Variants in MCTP2 observed in about 807,000 individuals in gnomAD.
MCTP2 encodes multiple C2 and transmembrane domain containing 2.
A neutral mutation model predicts 111.6 loss-of-function variants in MCTP2; 132 were observed. The observed-to-expected ratio is 1.18, with a 90% CI of 1.03 to 1.37. MCTP2 has a LOEUF of 1.37. Among genes scored for constraint, MCTP2 ranks in the 40% most tolerant of loss-of-function variants. MCTP2 has a pLI of 0.00. For missense variants in MCTP2, 1,183 were observed against 1,067.9 expected (o/e 1.11, Z -1.50); for synonymous variants, 395 against 387.7 (o/e 1.02, Z -0.22).
intron 19 of MCTP2, among the ~76,000 whole-genome samples, chr15:94,446,848 T>C (rs1373486584): frequency 6.6e-6 from 1 of 152,228 alleles, no homozygotes; most frequent in Non-Finnish European, 1.5e-5. Flanking sequence ...CACAATTGCC[T>C]GACAGTGTTT....
chr15:94,431,507 C>T (rs2083182355), intron 17 of MCTP2, among the ~76,000 whole-genome samples: 1 of 152,090 alleles, frequency 6.6e-6, no homozygotes, highest in Non-Finnish European at 1.5e-5. Flanking sequence ...CAGTTCGATG[C>T]TGTTGATAAA....
chr15:94,339,567 A>G, intron 5 of MCTP2, 135 bp downstream of exon 5: 1 of 582,412 alleles, frequency 1.7e-6, no homozygotes, highest in Non-Finnish European at 2.7e-6. Context: ...TATAGAAAAA[A>G]TTCCTTATAC....
intron 2 of MCTP2, among the ~76,000 whole-genome samples, chr15:94,313,501 G>C (rs2076240348): frequency 6.6e-6 from 1 of 152,090 alleles, no homozygotes; most frequent in Non-Finnish European, 1.5e-5. Flanking sequence ...AGGAGTCCGA[G>C]ACCAGCCTGG....
intron 19 of MCTP2, among the ~76,000 whole-genome samples, chr15:94,451,087 C>T (rs1344142094): frequency 6.6e-6 from 1 of 152,014 alleles, no homozygotes; most frequent in Non-Finnish European, 1.5e-5. Flanking sequence ...TAAAAAAGAA[C>T]AATTGTGTTA....
At chr15:94,446,954 G>A (rs1567724881) in intron 19 of MCTP2, among the ~76,000 whole-genome samples, 1 of 152,188 alleles carries the variant, frequency 6.6e-6, no homozygotes, top group Non-Finnish European at 1.5e-5. Context: ...ATCCATTTTT[G>A]TTGATTGATT....
intron 16 of MCTP2, among the ~76,000 whole-genome samples, chr15:94,400,669 G>C (rs968959477): frequency 6.9e-6 from 1 of 144,188 alleles, no homozygotes. Flanking sequence ...TGTACTCTCC[G>C]CAGCTCAGGA....
Position 94,400,015 on chromosome 15 carries a change from G to T in MCTP2, c.1965+20G>T, listed in dbSNP as rs7171751. The T allele has an allele frequency of 6.2e-7, 1 of 1,611,658 alleles. No individual in the cohort carries two copies. Among genetic ancestry groups the T allele is most frequent in the Admixed American group, 1.7e-5 (1 of 59,986 alleles). On this transcript the variant is annotated intron_variant, in intron 16 of 22. Transcript: ENST00000357742. ...AAAAAGGTGGGTCGCTACAGTAGGTGGCTTGTTGATTGGTACACTCAGCAC... is the reference window on the plus strand; with the variant it reads ...AAAAAGGTGGGTCGCTACAGTAGGTTGCTTGTTGATTGGTACACTCAGCAC...
At chr15:94,380,828 TTGTC>T (rs1340339444) in intron 12 of MCTP2, among the ~76,000 whole-genome samples, 2 of 152,220 alleles carry the variant, frequency 1.3e-5, no homozygotes, top group Non-Finnish European at 2.9e-5. Context: ...CATTTATTAT[TTGTC>T]ATTCAGCTTC....
At chr15:94,436,814 A>C (rs2083500495) in intron 17 of MCTP2, among the ~76,000 whole-genome samples, 1 of 152,106 alleles carries the variant, frequency 6.6e-6, no homozygotes, top group Non-Finnish European at 1.5e-5. Flanking sequence ...TTTACCCAGT[A>C]GACAGGCATT....
chr15:94,372,787 A>C (rs75671389), intron 12 of MCTP2, among the ~76,000 whole-genome samples: 1 of 151,966 alleles, frequency 6.6e-6, no homozygotes, highest in Non-Finnish European at 1.5e-5. Flanking sequence ...TAAAAAAAAA[A>C]GCATTTACTC....
intron 1 of MCTP2, among the ~76,000 whole-genome samples, chr15:94,245,512 A>G (rs62641044): frequency 0.39 from 54,192 of 138,386 alleles, 10,999 homozygotes; most frequent in Non-Finnish European, 0.44. Flanking sequence ...ATATGTATAC[A>G]TATATGTATA....
intron 19 of MCTP2, among the ~76,000 whole-genome samples, chr15:94,457,117 A>G (rs1456450588): frequency 6.6e-6 from 1 of 152,240 alleles, no homozygotes; most frequent in African/African-American, 2.4e-5. Flanking sequence ...AATTCTATAT[A>G]GGAAAAAAGT....
At chr15:94,478,868 C>G in intron 22 of MCTP2, 98 bp from the exon 23 acceptor site, 1 of 953,038 alleles carries the variant, frequency 1.0e-6, no homozygotes, top group Non-Finnish European at 1.7e-6. Context: ...TTGAACCTTC[C>G]TTCCTTTGCC....
intron 17 of MCTP2, among the ~76,000 whole-genome samples, chr15:94,438,138 C>G (rs1208141505): frequency 6.6e-6 from 1 of 152,048 alleles, no homozygotes; most frequent in Non-Finnish European, 1.5e-5. Context: ...ACCACTATTT[C>G]AGCCCATGTT....
chr15:94,459,471 A>G (rs1187243061), intron 20 of MCTP2, among the ~76,000 whole-genome samples: 1 of 152,194 alleles, frequency 6.6e-6, no homozygotes, highest in Non-Finnish European at 1.5e-5. Context: ...TGTTTAAAAA[A>G]AGTAAGTTAT....
chr15:94,252,112 G>A (rs939566958), intron 1 of MCTP2, among the ~76,000 whole-genome samples: 5 of 152,218 alleles, frequency 3.3e-5, no homozygotes, highest in African/African-American at 9.6e-5. Flanking sequence ...CCCTGCTTTC[G>A]TTTCTTTTGG....
chr15:94,390,500 T>C (rs2152462454), intron 14 of MCTP2, among the ~76,000 whole-genome samples: 1 of 152,208 alleles, frequency 6.6e-6, no homozygotes, highest in East Asian at 1.9e-4. Flanking sequence ...TAAGTGATCT[T>C]AATTCTGTCC....
rs1295108003 is a variant in MCTP2 at position 94,243,318 on chromosome 15, T to TAC, written c.-66+11656_-66+11657dup. On this transcript the variant is annotated intron_variant, in intron 1 of 22. Coordinates refer to ENST00000357742, the MANE Select transcript of MCTP2 (RefSeq NM_001385001.1). ...GCATATATACATACATACGTATGCGTACATACGTATGCGTATATGCGTATG... is the reference window on the plus strand; with the variant it reads ...GCATATATACATACATACGTATGCGTACACATACGTATGCGTATATGCGTATG... Among the ~76,000 whole-genome samples, 9 of 77,384 alleles carry TAC rather than the reference T, an allele frequency of 1.2e-4. 1 individual carries two copies. The highest frequency in any genetic ancestry group is 1.9e-4 in the Non-Finnish European group (6 of 32,362). The allele number at this position is 77,384 out of a possible 152,430, so 50.8% of individuals were successfully genotyped here.
chr15:94,234,724 C>T (rs757912765), intron 1 of MCTP2, among the ~76,000 whole-genome samples: 1 of 152,208 alleles, frequency 6.6e-6, no homozygotes, highest in Non-Finnish European at 1.5e-5. Context: ...TTCCAACTAT[C>T]AGTCACCATT....
Sources: gnomAD v4.1 joint callset for allele counts (sites outside exome capture counted in the v4.1 genomes callset) on GRCh38, gnomAD v4.1.1 for gene constraint, MANE v1.5 for transcripts, NCBI Gene and HGNC (gene_info 2026-07-23, HGNC 2026-07-21) for gene names.